ZDHHC14: variants seen among roughly 807,000 people sequenced by gnomAD.
ZDHHC14 encodes the protein zDHHC palmitoyltransferase 14.
ZDHHC14 carries 16 observed loss-of-function variants against 47.7 expected under a neutral mutation model. The ratio of observed to expected loss-of-function variants is 0.34; its 90% CI spans 0.23 to 0.51. The LOEUF is 0.51. ZDHHC14 is among the 20% of genes least tolerant of loss of function. The pLI is 0.97. For missense variants in ZDHHC14, 515 were observed against 662.5 expected (o/e 0.78, Z 2.44); for synonymous variants, 293 against 278.9 (o/e 1.05, Z -0.50).
At chr6:157,668,032 G>A (rs1778628917) in intron 8 of ZDHHC14, among the ~76,000 whole-genome samples, 1 of 152,156 alleles carries the variant, frequency 6.6e-6, no homozygotes, top group South Asian at 2.1e-4. Context: ...TGGTCCCCGT[G>A]TGCCCCAACT....
intron 1 of ZDHHC14, among the ~76,000 whole-genome samples, chr6:157,471,857 C>A (rs113731856): frequency 0.15 from 23,542 of 152,236 alleles, 2,373 homozygotes; most frequent in Middle Eastern, 0.22. Context: ...CCCTCGGGGC[C>A]CCTTCCCTCG....
chr6:157,535,185 G>A (rs185022397), intron 1 of ZDHHC14, among the ~76,000 whole-genome samples: 16 of 152,186 alleles, frequency 1.1e-4, no homozygotes, highest in Non-Finnish European at 2.1e-4. Flanking sequence ...CCCCTCCTCC[G>A]CTCTCTGTTC....
At chr6:157,529,047 C>T (rs538099778) in intron 1 of ZDHHC14, 1 of 154,588 alleles carries the variant, frequency 6.5e-6, no homozygotes, top group South Asian at 2.0e-4. Flanking sequence ...AAAGTATATC[C>T]TTGTAGTTGC....
intron 1 of ZDHHC14, among the ~76,000 whole-genome samples, chr6:157,537,172 A>T (rs1302964460): frequency 2.6e-5 from 4 of 152,218 alleles, no homozygotes; most frequent in African/African-American, 4.8e-5. Context: ...CAGAGGAAGG[A>T]TGCACTCTGA....
chr6:157,477,004 C>G (rs1380615540), intron 1 of ZDHHC14, among the ~76,000 whole-genome samples: 2 of 152,174 alleles, frequency 1.3e-5, no homozygotes, highest in East Asian at 3.8e-4. Context: ...CAAAGATGCC[C>G]ACTCTCAGCC....
intron 5 of ZDHHC14, among the ~76,000 whole-genome samples, chr6:157,645,126 C>T (rs181520363): frequency 3.5e-4 from 54 of 152,196 alleles, no homozygotes; most frequent in Non-Finnish European, 6.9e-4. Flanking sequence ...CTCACCCTGA[C>T]GTCACTCCGA....
At chr6:157,543,476 G>A (rs1446806341) in intron 2 of ZDHHC14, among the ~76,000 whole-genome samples, 2 of 152,188 alleles carry the variant, frequency 1.3e-5, no homozygotes, top group Non-Finnish European at 2.9e-5. Context: ...ATGACTTGGT[G>A]TGAACATAAT....
At chr6:157,559,555 C>T (rs1782625993) in intron 2 of ZDHHC14, among the ~76,000 whole-genome samples, 2 of 152,228 alleles carry the variant, frequency 1.3e-5, no homozygotes, top group South Asian at 4.1e-4. Context: ...AGCCCAGCCA[C>T]CCTGCCATCT....
At chr6:157,384,295 C>G (rs1777270534) in intron 1 of ZDHHC14, among the ~76,000 whole-genome samples, 1 of 152,194 alleles carries the variant, frequency 6.6e-6, no homozygotes, top group African/African-American at 2.4e-5. Context: ...TACTTAACAT[C>G]TTTTATTTTC....
chr6:157,395,580 G>A (rs1414485003), intron 1 of ZDHHC14, among the ~76,000 whole-genome samples: 4 of 152,132 alleles, frequency 2.6e-5, no homozygotes, highest in Non-Finnish European at 1.5e-5. Flanking sequence ...CGGATCAGGA[G>A]GTCAGAAGAT....
chr6:157,458,035 C>T (rs1397931201), intron 1 of ZDHHC14, among the ~76,000 whole-genome samples: 1 of 152,242 alleles, frequency 6.6e-6, no homozygotes, highest in African/African-American at 2.4e-5. Context: ...TAGCAGACTA[C>T]CTGCCCCCCA....
chr6:157,405,418 G>A (rs1032556675), intron 1 of ZDHHC14, among the ~76,000 whole-genome samples: 9 of 152,164 alleles, frequency 5.9e-5, no homozygotes, highest in Non-Finnish European at 8.8e-5. Context: ...ATTTTTAGTA[G>A]AGACGGGGTT....
intron 1 of ZDHHC14, among the ~76,000 whole-genome samples, chr6:157,456,306 A>G (rs562035304): frequency 6.6e-6 from 1 of 152,234 alleles, no homozygotes; most frequent in South Asian, 2.1e-4. Flanking sequence ...TGGCCTGAAA[A>G]CAGGTGCTGC....
At chr6:157,592,778 T>A (rs1006010087) in intron 2 of ZDHHC14, 18 of 1,370,284 alleles carry the variant, frequency 1.3e-5, no homozygotes, top group African/African-American at 1.5e-5. Flanking sequence ...CAGAGCTCAG[T>A]CACGTGGCCC....
At chr6:157,425,329 A>G (rs562531015) in intron 1 of ZDHHC14, among the ~76,000 whole-genome samples, 1 of 152,242 alleles carries the variant, frequency 6.6e-6, no homozygotes, top group Admixed American at 6.5e-5. Flanking sequence ...CACCCTACTG[A>G]ATTCTCTTAT....
At chr6:157,629,858 CAAAA>C (rs775115838) in intron 4 of ZDHHC14, 2 of 152,154 alleles carry the variant, frequency 1.3e-5, no homozygotes. Flanking sequence ...CATTAATAGA[CAAAA>C]GAAGCAGAGA....
chr6:157,586,675 G>A lies in ZDHHC14; in HGVS notation c.407-6313G>A, dbSNP rs9355793. 0.16 allele frequency among the ~76,000 whole-genome samples: 23,526 copies of A among 151,116 alleles called. 1,992 individuals are homozygous for A. The highest frequency in any genetic ancestry group is 0.29 in the East Asian group (1,446 of 5,042). ...AGCAGAGCCCTCCCAGGACCCCAGCGGCCCTCGGCAACCCCTGGTGCAGCA... is the reference window on the plus strand; with the variant it reads ...AGCAGAGCCCTCCCAGGACCCCAGCAGCCCTCGGCAACCCCTGGTGCAGCA... On this transcript the variant is annotated intron_variant, in intron 2 of 8. Coordinates refer to ENST00000359775, the MANE Select transcript of ZDHHC14 (RefSeq NM_024630.3). This position sits in a 1 kb window ranked among gnomAD's most constrained non-coding sequence, Gnocchi z 4.6.
intron 7 of ZDHHC14, among the ~76,000 whole-genome samples, chr6:157,651,754 T>G (rs1777848118): frequency 6.6e-6 from 1 of 152,182 alleles, no homozygotes; most frequent in Non-Finnish European, 1.5e-5. Context: ...GTATTTTTAG[T>G]AGAGGTGGGG....
chr6:157,514,600 A>T (rs1780612378), intron 1 of ZDHHC14, among the ~76,000 whole-genome samples: 1 of 152,236 alleles, frequency 6.6e-6, no homozygotes, highest in Non-Finnish European at 1.5e-5. Context: ...GGCAGTGAAT[A>T]TTGAGTTTCA....
Sources: allele counts gnomAD v4.1 joint callset (sites outside exome capture counted in the v4.1 genomes callset), GRCh38; gene constraint gnomAD v4.1.1; non-coding constraint Gnocchi (gnomAD v3.1); transcripts MANE v1.5; gene names NCBI Gene and HGNC (gene_info 2026-07-23, HGNC 2026-07-21).